Variants in RUFY4 observed in about 807,000 individuals in gnomAD.
The protein encoded by RUFY4 is RUN and FYVE domain containing 4, also known as RUN and FYVE domain-containing protein 4.
Under a neutral mutation model 69.0 loss-of-function variants are expected in RUFY4, and 73 were observed. The ratio of observed to expected loss-of-function variants is 1.06; its 90% CI spans 0.88 to 1.29. RUFY4 has a LOEUF of 1.29. Among genes scored for constraint, RUFY4 ranks in the 50% most tolerant of loss-of-function variants. RUFY4 has a pLI of 0.00. For missense variants in RUFY4, 770 were observed against 705.6 expected, an observed-to-expected ratio of 1.09 and a Z score of -1.03; for synonymous variants, 287 against 271.8, an observed-to-expected ratio of 1.06 and a Z score of -0.55.
chr2:218,071,848 A>G lies in RUFY4; in HGVS notation c.154-526A>G, dbSNP rs367900031. ...GAGAAAGGCAGTATTACAACCAGGC[A>G]CCCTGCTCCCCACACACAGGCAGCA... On this transcript the variant is annotated intron_variant, in intron 2 of 10. Coordinates refer to ENST00000344321, the Ensembl canonical transcript of RUFY4. 2.6e-5 allele frequency among the ~76,000 whole-genome samples: 4 copies of G among 152,064 alleles called. No homozygotes were observed. The East Asian group carries it at 7.7e-4, about 29-fold the overall frequency.
intron 8 of RUFY4, among the ~76,000 whole-genome samples, chr2:218,079,654 G>C (rs778888954): frequency 2.0e-5 from 3 of 152,178 alleles, no homozygotes; most frequent in African/African-American, 7.2e-5. Flanking sequence ...AGGCTCAGAA[G>C]AGGATGTGCT....
intron 2 of RUFY4, among the ~76,000 whole-genome samples, chr2:218,038,367 C>T (rs539415739): frequency 1.5e-4 from 23 of 152,274 alleles, no homozygotes; most frequent in African/African-American, 5.1e-4. Context: ...GAAATTTGGG[C>T]ATCAGAGACA....
chr2:218,072,043 G>C (rs2106049470), intron 2 of RUFY4, among the ~76,000 whole-genome samples: 2 of 152,262 alleles, frequency 1.3e-5, no homozygotes, highest in Middle Eastern at 3.4e-3. Context: ...GACACCACCA[G>C]CCTAGTGTGG....
chr2:218,079,752 C>T (rs1336508963), intron 8 of RUFY4, among the ~76,000 whole-genome samples: 2 of 152,102 alleles, frequency 1.3e-5, no homozygotes, highest in Non-Finnish European at 2.9e-5. Context: ...ATGAGTTCCT[C>T]AACACAGAGA....
At position 218,054,372 on chromosome 2, in the gene RUFY4, T is replaced by C. The variant is rs143349438; in HGVS notation, c.-1157-4223T>C. 6.9e-3 allele frequency among the ~76,000 whole-genome samples: 1,047 copies of C among 152,066 alleles called. 10 individuals carry two copies. Among genetic ancestry groups the C allele is most frequent in the African/African-American group, 0.024 (991 of 41,478 alleles). The stretch of plus-strand genomic sequence containing the variant: ...GTGCTCGAGACCAGCCTGGCCAACA[T>C]AGCAAAACCCCAACTCTACTGAAAA... On this transcript the variant is annotated intron_variant and NMD_transcript_variant, in intron 2 of 13. Transcript: ENST00000457754.
Position 218,076,466 on chromosome 2 carries a change from C to T in RUFY4, c.1288C>T (p.Gln430Ter). 3 of 1,550,394 alleles carry T rather than the reference C, an allele frequency of 1.9e-6. No homozygotes were observed. The highest frequency in any genetic ancestry group is 2.6e-6 in the Non-Finnish European group (3 of 1,146,412). ...GCTCCGGAAGGCTGAGGAGCAGGCC[C>T]AGCGCCAGGAGCAGCTGCTGAGGGA... Residue 430 changes from glutamine to a stop codon, truncating the protein, a stop_gained, in exon 8 of 11, where the codon CAG (glutamine) becomes TAG (stop). Transcript: ENST00000344321. LOFTEE classifies it high-confidence loss of function.
rs368944356 is a variant in RUFY4 at position 218,075,311 on chromosome 2, T to G, written c.819T>G (p.Leu273=). Residue 273 remains leucine (L), a synonymous_variant, in exon 7 of 11, where the codon CTT becomes CTG. Transcript: ENST00000344321. ...TGTGGGAGCCAGAAGGGAAGGAGCT[T>G]CAGCTAGACCAGGAGGAAAGAGCCC... The G allele has an allele frequency of 2.7e-4, 441 of 1,607,522 alleles. 2 individuals carry two copies. The highest frequency in any genetic ancestry group is 1.2e-3 in the South Asian group (109 of 89,676).
At chr2:218,053,138 T>G (rs1475033854) in intron 2 of RUFY4, among the ~76,000 whole-genome samples, 1 of 152,034 alleles carries the variant, frequency 6.6e-6, no homozygotes, top group South Asian at 2.1e-4. Context: ...GATTCTATTT[T>G]AATTAAATGT....
intron 3 of RUFY4, chr2:218,060,139 T>A (rs1325156913): frequency 1.8e-5 from 8 of 437,652 alleles, no homozygotes; most frequent in Admixed American, 4.0e-5. Flanking sequence ...GTAGTAATTA[T>A]GGCAAGGGGT....
chr2:218,064,813 C>T (rs982473744), upstream of RUFY4, among the ~76,000 whole-genome samples: 6 of 152,216 alleles, frequency 3.9e-5, no homozygotes, highest in East Asian at 1.9e-4. Flanking sequence ...ATCCCACAAC[C>T]GCCTGCCTGC....
chr2:218,053,712 G>A (rs1275333415), intron 2 of RUFY4, among the ~76,000 whole-genome samples: 4 of 151,874 alleles, frequency 2.6e-5, no homozygotes, highest in African/African-American at 9.7e-5. Flanking sequence ...GGGTTTCACC[G>A]TGGTCTTGAT....
In RUFY4 at chr2:218,070,804, C is replaced by T. The variant is rs763695896; in HGVS notation, c.98C>T (p.Thr33Met). The T allele has an allele frequency of 3.6e-5, 55 of 1,537,110 alleles. No homozygotes were observed. The highest frequency in any genetic ancestry group is 4.4e-5 in the Non-Finnish European group (50 of 1,146,806). Residue 33 changes from threonine to methionine, a missense_variant, in exon 2 of 11, where the codon ACG becomes ATG. By Grantham distance (81) the Thr-to-Met change is moderately conservative. Transcript: ENST00000344321. ...TATGGGGATGGGCAGGGGCCAGTGA[C>T]GGACACCAGTGCCGAGCTGCACAGA... is the stretch of plus-strand genomic sequence containing the variant.
At position 218,078,854 on chromosome 2, in the gene RUFY4, G is replaced by C. The variant is rs957259387; in HGVS notation, c.1355+2321G>C. Among the ~76,000 whole-genome samples, 4 of 151,884 alleles carry C rather than the reference G, an allele frequency of 2.6e-5. No individual in the cohort carries two copies. The East Asian group carries it at 7.7e-4, about 29-fold the overall frequency. The stretch of plus-strand genomic sequence containing the variant: ...GGCTGGCATGTTTTTTGTTGTTGTT[G>C]GTTTTTTTGTTTTGTTTTGTTTTTG... On this transcript the variant is annotated intron_variant, in intron 8 of 10. Coordinates refer to ENST00000344321, the Ensembl canonical transcript of RUFY4.
At chr2:218,063,022 C>T (rs934235760) in intron 3 of RUFY4, among the ~76,000 whole-genome samples, 2 of 152,236 alleles carry the variant, frequency 1.3e-5, no homozygotes, top group African/African-American at 4.8e-5. Context: ...TCATTCAGTC[C>T]ATCTCTGCTG....
chr2:218,083,150 C>A, exon 9 of RUFY4: 1 of 1,613,586 alleles, frequency 6.2e-7, no homozygotes, highest in East Asian at 2.2e-5. Context: ...ACAGCTGGAG[C>A]AGAAGCAACA....
At chr2:218,064,944 C>G (rs1329555947), upstream of RUFY4, among the ~76,000 whole-genome samples, 3 of 152,104 alleles carry the variant, frequency 2.0e-5, no homozygotes, top group Non-Finnish European at 4.4e-5. Flanking sequence ...CCCTTCATCA[C>G]CCCGATCCCG....
At chr2:218,072,286 C>T (rs1689506797) in intron 2 of RUFY4, 88 bp from the exon 5 acceptor site, 4 of 1,464,046 alleles carry the variant, frequency 2.7e-6, no homozygotes, top group Non-Finnish European at 3.6e-6. Context: ...CCCTCTCCTC[C>T]AGTACATGTC....
chr2:218,082,351 A>T (rs1178521213), intron 8 of RUFY4, among the ~76,000 whole-genome samples: 6 of 150,826 alleles, frequency 4.0e-5, no homozygotes, highest in African/African-American at 1.5e-4. Context: ...CTGGGCACCG[A>T]CCATCCAGCC....
chr2:218,045,225 T>C (rs1425406087), intron 2 of RUFY4, among the ~76,000 whole-genome samples: 1 of 152,234 alleles, frequency 6.6e-6, no homozygotes, highest in Non-Finnish European at 1.5e-5. Flanking sequence ...TTTCATATGA[T>C]ATTTGACTGC....
Sources: gnomAD v4.1 joint callset for allele counts (sites outside exome capture counted in the v4.1 genomes callset) on GRCh38, gnomAD v4.1.1 for gene constraint, MANE v1.5 for transcripts, NCBI Gene and HGNC (gene_info 2026-07-23, HGNC 2026-07-21) for gene names.